Variants in TMEM120A observed in about 807,000 individuals in gnomAD.
TMEM120A encodes the protein transmembrane protein 120A.
TMEM120A carries 45 observed loss-of-function variants against 54.3 expected under a neutral mutation model. The observed-to-expected ratio is 0.83, with a 90% CI of 0.65 to 1.06. The LOEUF is 1.06. Ranked by LOEUF, TMEM120A falls within the 50% of genes least tolerant of loss-of-function variation. The pLI, the probability that TMEM120A is intolerant of heterozygous loss-of-function variation, is 0.00. For missense variants in TMEM120A, 424 were observed against 441.7 expected (o/e 0.96, Z 0.36); for synonymous variants, 204 against 178.5 (o/e 1.14, Z -1.14).
At position 75,992,484 on chromosome 7, in the gene TMEM120A, G is replaced by A. The variant is rs540771278; in HGVS notation, c.155C>T (p.Thr52Met). 45 of 1,598,440 alleles carry A rather than the reference G, an allele frequency of 2.8e-5. No individual in the cohort carries two copies. Among genetic ancestry groups the A allele is most frequent in the Middle Eastern group, 1.8e-4 (1 of 5,640 alleles). ...KLQNNCTSSI[T>M]RQKKRLQELA... ...CTCCTGGAGCCGCTTCTTCTGCCGC[G>A]TGATGGAGCTGGTGCAATTGTTCTG... Residue 52 changes from threonine to methionine, a missense_variant, in exon 2 of 12, where the codon ACG becomes ATG. Coordinates refer to ENST00000493111, the MANE Select transcript of TMEM120A (RefSeq NM_031925.3).
rs1011359693 is a variant in TMEM120A, at chr7:75,992,449, C to T, written c.190G>A (p.Ala64Thr). ...GTAGGGGATCCTAACTTCTTCAGGG[C>T]GAGGGCCAGCTCCTGGAGCCGCTTC... ...QKKRLQELAL[A>T]LKKCKPSLPA... is the part of the protein sequence containing the mutation. The change falls in exon 2 of 12, where the codon GCC becomes ACC. Residue 64 changes from alanine to threonine, a missense_variant. Physicochemically the swap from Ala to Thr is moderately conservative, Grantham distance 58. Transcript: ENST00000493111. 7 of 1,592,460 alleles carry T rather than the reference C, an allele frequency of 4.4e-6. No individual in the cohort carries two copies. The highest frequency in any genetic ancestry group is 2.3e-5 in the East Asian group (1 of 43,832).
intron 3 of TMEM120A, among the ~76,000 whole-genome samples, chr7:75,990,521 C>T (rs1225825725): frequency 6.6e-6 from 1 of 152,062 alleles, no homozygotes; most frequent in Non-Finnish European, 1.5e-5. Flanking sequence ...AGTAGCTGCC[C>T]CTCAACCCAG....
At chr7:75,987,855 G>T in intron 8 of TMEM120A, 45 bp from the exon 9 acceptor site, 3 of 1,601,656 alleles carry the variant, frequency 1.9e-6, no homozygotes, top group Non-Finnish European at 2.6e-6. Context: ...GCCCCGGGAG[G>T]GGTTCCCTGC....
In TMEM120A at chr7:75,989,264, A is replaced by G. The variant is rs554003349; in HGVS notation, c.318-40T>C. The G allele has an allele frequency of 2.7e-5, 37 of 1,364,054 alleles. No individual in the cohort carries two copies. In the South Asian group the frequency reaches 4.3e-4, roughly 16 times the overall value. 84.5% of individuals were successfully genotyped at this position (1,364,054 alleles called of 1,614,324 possible). A position where few individuals can be genotyped will look rare whatever the true frequency, so the allele number is the denominator to read the frequency against. On this transcript the variant is annotated intron_variant, in intron 3 of 11. Transcript: ENST00000493111. The stretch of plus-strand genomic sequence containing the variant: ...GGCGGGGTGAGGAGAAGCCCGAGTG[A>G]CAGACAAGCCACCGGTACTCAGCCA...
In TMEM120A at chr7:75,987,136, A is replaced by C. The variant is rs782184078; in HGVS notation, c.*36T>G. On this transcript the variant is annotated 3_prime_UTR_variant, in exon 12 of 12. Coordinates refer to ENST00000493111, the MANE Select transcript of TMEM120A (RefSeq NM_031925.3). ...CATCCCCTCCCACAACACACAGGAC[A>C]GAAGCCCCTCTGGGCCGGCAGGGGA... is the stretch of plus-strand genomic sequence containing the variant. 6.5e-7 allele frequency: 1 copy of C among 1,530,902 alleles called. No individual in the cohort carries two copies. Among genetic ancestry groups the C allele is most frequent in the Non-Finnish European group, 8.9e-7 (1 of 1,124,962 alleles). 94.8% of individuals were successfully genotyped at this position (1,530,902 alleles called of 1,614,324 possible). A position where few individuals can be genotyped will look rare whatever the true frequency, so the allele number is the denominator to read the frequency against.
At position 75,988,340 on chromosome 7, in the gene TMEM120A, C is replaced by G; in HGVS notation, c.475G>C (p.Val159Leu). Residue 159 changes from valine (V) to leucine (L), a missense_variant and splice_region_variant, in exon 6 of 12, where the codon GTG (valine) becomes CTG (leucine). Transcript: ENST00000493111. ...AGGAAGTTGAAGGCAGCATCTGTCA[C>G]CCTGCGGAGGGAGGGGACCGAGGGT... Reference protein sequence around the residue: ...FTCRFLLNSRVTDAAFNFLLV... With the variant: ...FTCRFLLNSRLTDAAFNFLLV... 4 of 1,612,032 alleles carry G rather than the reference C, an allele frequency of 2.5e-6. No homozygotes were observed. The highest frequency in any genetic ancestry group is 2.5e-6 in the Non-Finnish European group (3 of 1,179,770).
Position 75,987,089 on chromosome 7 carries a change from C to T in TMEM120A, c.*83G>A, listed in dbSNP as rs781886201. The T allele has an allele frequency of 8.1e-5, 94 of 1,162,288 alleles. 1 individual carries two copies. The highest frequency in any genetic ancestry group is 1.6e-4 in the South Asian group (12 of 75,784). The allele number at this position is 1,162,288 out of a possible 1,614,324, so 72.0% of individuals were successfully genotyped here. ...AGAATAGAAGAGACCCCCTGATACACGCACACTCGAGGGGCGCCTCCCATC... is the reference window on the plus strand; with the variant it reads ...AGAATAGAAGAGACCCCCTGATACATGCACACTCGAGGGGCGCCTCCCATC... On this transcript the variant is annotated 3_prime_UTR_variant, in exon 12 of 12. Transcript: ENST00000493111.
Position 75,987,224 on chromosome 7 carries a change from C to T in TMEM120A, c.980G>A (p.Arg327Lys). 1 of 1,609,182 alleles carries T rather than the reference C, an allele frequency of 6.2e-7. No individual in the cohort carries two copies. Among genetic ancestry groups the T allele is most frequent in the Non-Finnish European group, 8.5e-7 (1 of 1,178,362 alleles). Residue 327 changes from arginine to lysine, a missense_variant, in exon 12 of 12, where the codon AGG becomes AAG. Coordinates refer to ENST00000493111, the MANE Select transcript of TMEM120A (RefSeq NM_031925.3). ...LFLGNFFTTLRVVHHKFHSQR... is the reference protein window; with the variant it reads ...LFLGNFFTTLKVVHHKFHSQR... ...ACTGTGAAACTTGTGGTGCACAACC[C>T]TCAGGGTGGTGAAGAAATTGCCGAG...
Position 75,989,224 on chromosome 7 carries a change from T to G in TMEM120A, c.318A>C (p.Gly106=). Residue 106 remains glycine (G), a splice_region_variant and synonymous_variant, in exon 4 of 12, where the codon GGA becomes GGC. Transcript: ENST00000493111. ...TCCCCAGAACCAGGCTCAGGTACAA[T>G]CTAGGGAAGGGGGTGGCGGGGTGAG... ...DMEAYLPKKN[G]LYLSLVLGNV... 6.5e-7 allele frequency: 1 copy of G among 1,544,732 alleles called. No individual in the cohort carries two copies. Among genetic ancestry groups the G allele is most frequent in the Non-Finnish European group, 8.7e-7 (1 of 1,143,452 alleles).
Position 75,992,566 on chromosome 7 carries a change from C to T in TMEM120A, c.82-9G>A, listed in dbSNP as rs782489592. ...TAGAGCCGATGGGTCTCCTGGGGGCCGGAGGGGAGAGGCTCAGGCCAGTTG... is the reference window on the plus strand; with the variant it reads ...TAGAGCCGATGGGTCTCCTGGGGGCTGGAGGGGAGAGGCTCAGGCCAGTTG... On this transcript the variant is annotated splice_polypyrimidine_tract_variant and intron_variant, in intron 1 of 11. Coordinates refer to ENST00000493111, the MANE Select transcript of TMEM120A (RefSeq NM_031925.3). 7 of 1,557,100 alleles carry T rather than the reference C, an allele frequency of 4.5e-6. No individual in the cohort carries two copies. Among genetic ancestry groups the T allele is most frequent in the Non-Finnish European group, 6.1e-6 (7 of 1,152,098 alleles).
rs377185785 is a variant in TMEM120A at position 75,988,065 on chromosome 7, C to A, written c.629+18G>T. On this transcript the variant is annotated intron_variant, in intron 7 of 11. Coordinates refer to ENST00000493111, the MANE Select transcript of TMEM120A (RefSeq NM_031925.3). Reference sequence around the variant, plus strand: ...TCCTTGTCCCAGCTCCTGCCCCTGCCGGGGCCCAGCCACTCACCACGTCAG... The same window carrying A: ...TCCTTGTCCCAGCTCCTGCCCCTGCAGGGGCCCAGCCACTCACCACGTCAG... 5.0e-6 allele frequency: 8 copies of A among 1,602,582 alleles called. No homozygotes were observed. The African/African-American group carries it at 9.4e-5, about 19-fold the overall frequency.
At chr7:75,989,545 CCT>C (rs1585143750) in intron 3 of TMEM120A, among the ~76,000 whole-genome samples, 1 of 151,442 alleles carries the variant, frequency 6.6e-6, no homozygotes, top group East Asian at 1.9e-4. Context: ...GGGCCGTCCC[CCT>C]GTCCCCGATT....
chr7:75,989,837 C>T (rs1255484401), intron 3 of TMEM120A, among the ~76,000 whole-genome samples: 1 of 152,076 alleles, frequency 6.6e-6, no homozygotes, highest in East Asian at 1.9e-4. Flanking sequence ...CCCAGGCCAC[C>T]CGCCAATTAC....
intron 2 of TMEM120A, 84 bp downstream of exon 2, chr7:75,992,355 G>A: frequency 6.5e-7 from 1 of 1,548,542 alleles, no homozygotes; most frequent in Non-Finnish European, 8.8e-7. Flanking sequence ...GCCCAGAGAG[G>A]GGAGGGGCGG....
At chr7:75,991,310 C>T (rs1554561753) in intron 3 of TMEM120A, among the ~76,000 whole-genome samples, 1 of 152,200 alleles carries the variant, frequency 6.6e-6, no homozygotes, top group East Asian at 1.9e-4. Context: ...TCTCACCTCC[C>T]GCCCCGACCT....
At position 75,988,143 on chromosome 7, in the gene TMEM120A, T is replaced by C. The variant is rs1243174837; in HGVS notation, c.569A>G (p.Lys190Arg). ...GTAGTGATGGAACACCCACCAGCCT[T>C]TGATCCTGGAGCAGAGAGCCACCAT... ...SILINNGSRI[K>R]GWWVFHHYVS... The change falls in exon 7 of 12, where the codon AAA becomes AGA. Residue 190 changes from lysine (K) to arginine (R), a missense_variant. Lys to Arg is a conservative substitution (Grantham distance 26). Coordinates refer to ENST00000493111, the MANE Select transcript of TMEM120A (RefSeq NM_031925.3). 7 of 1,610,562 alleles carry C rather than the reference T, an allele frequency of 4.3e-6. No individual in the cohort carries two copies. The highest frequency in any genetic ancestry group is 5.9e-6 in the Non-Finnish European group (7 of 1,179,000).
intron 3 of TMEM120A, among the ~76,000 whole-genome samples, chr7:75,991,760 GT>G (rs1418131906): frequency 1.3e-5 from 2 of 152,062 alleles, no homozygotes; most frequent in African/African-American, 4.8e-5. Flanking sequence ...ACCCAGGCTG[GT>G]CTTGAACTCC....
At chr7:75,991,825 G>A (rs946065660) in intron 3 of TMEM120A, among the ~76,000 whole-genome samples, 1 of 152,110 alleles carries the variant, frequency 6.6e-6, no homozygotes, top group African/African-American at 2.4e-5. Context: ...GATTACAGGT[G>A]AGAGCCACCA....
rs1449606210 is a variant in TMEM120A, at chr7:75,987,214, G to A, written c.990C>T (p.His330=). The A allele has an allele frequency of 1.9e-6, 3 of 1,608,816 alleles. No homozygotes were observed. Among genetic ancestry groups the A allele is most frequent in the East Asian group, 2.2e-5 (1 of 44,784 alleles). ...GNFFTTLRVV[H]HKFHSQRHGS... ...CGTGCCGCTGACTGTGAAACTTGTG[G>A]TGCACAACCCTCAGGGTGGTGAAGA... is the stretch of plus-strand genomic sequence containing the variant. Residue 330 remains histidine, a synonymous_variant, in exon 12 of 12, where the codon CAC becomes CAT. Transcript: ENST00000493111.
Sources: gnomAD v4.1 joint callset for allele counts (sites outside exome capture counted in the v4.1 genomes callset) on GRCh38, gnomAD v4.1.1 for gene constraint, MANE v1.5 for transcripts, NCBI Gene and HGNC (gene_info 2026-07-23, HGNC 2026-07-21) for gene names.